Variants in SLC4A4 observed in about 807,000 individuals in gnomAD.
SLC4A4 encodes the protein electrogenic sodium bicarbonate cotransporter 1.
In SLC4A4, 27 loss-of-function variants were observed where a neutral mutation model predicts 111.5. That is an observed-to-expected ratio of 0.24 (90% confidence interval 0.18 to 0.33). The LOEUF (loss-of-function observed/expected upper bound fraction) is 0.33. Among genes scored for constraint, SLC4A4 ranks in the 10% least tolerant of loss-of-function variants. The probability of loss-of-function intolerance (pLI) is 1.00; values close to 1 mark genes in which losing one functional copy is unlikely to be tolerated. For synonymous variants in SLC4A4, 443 were observed against 463.4 expected (o/e 0.96, Z 0.57); for missense variants, 909 against 1,315.5 (o/e 0.69, Z 4.78).
intron 2 of SLC4A4, among the ~76,000 whole-genome samples, chr4:71,097,070 A>G (rs1560717270): frequency 6.6e-6 from 1 of 152,308 alleles, no homozygotes; most frequent in East Asian, 1.9e-4. Context: ...GGTTTGCTAT[A>G]TAGGCCAACT....
chr4:71,299,501 A>G (rs188895286), intron 3 of SLC4A4, among the ~76,000 whole-genome samples: 1 of 152,306 alleles, frequency 6.6e-6, no homozygotes, highest in Admixed American at 6.5e-5. Context: ...GGTACCTCCT[A>G]TAAGCCTCCG....
chr4:71,132,439 G>T (rs1240039902), intron 2 of SLC4A4, among the ~76,000 whole-genome samples: 1 of 152,192 alleles, frequency 6.6e-6, no homozygotes, highest in Non-Finnish European at 1.5e-5. Flanking sequence ...GCATCCTGCA[G>T]CTGAGGCTGC....
chr4:71,366,753 T>C (rs1486285819), intron 6 of SLC4A4, among the ~76,000 whole-genome samples: 1 of 152,218 alleles, frequency 6.6e-6, no homozygotes, highest in Non-Finnish European at 1.5e-5. Context: ...GCTCTAGCTT[T>C]GGGAACGACT....
chr4:71,081,654 C>T (rs1031096665), intron 1 of SLC4A4, among the ~76,000 whole-genome samples: 2 of 152,074 alleles, frequency 1.3e-5, no homozygotes. Context: ...CTGAATTGAG[C>T]TGCACTGGTC....
intron 24 of SLC4A4, among the ~76,000 whole-genome samples, chr4:71,564,238 T>C (rs938225195): frequency 1.3e-4 from 2 of 15,574 alleles, no homozygotes; most frequent in Non-Finnish European, 2.7e-4. Flanking sequence ...TGTCACTGTT[T>C]GTCTTCCTTA....
intron 3 of SLC4A4, among the ~76,000 whole-genome samples, chr4:71,297,509 AACACACACACACAC>A (rs61184918): frequency 1.2e-4 from 16 of 132,134 alleles, no homozygotes; most frequent in South Asian, 7.9e-4. Flanking sequence ...CACACAGACA[AACACACACACACAC>A]ACACACACAC....
At chr4:71,152,795 A>G (rs1744344259) in intron 2 of SLC4A4, among the ~76,000 whole-genome samples, 1 of 151,136 alleles carries the variant, frequency 6.6e-6, no homozygotes, top group South Asian at 2.1e-4. Context: ...TCTTTTTTCT[A>G]TGCTTATTTC....
chr4:71,420,132 A>G (rs965736224), intron 7 of SLC4A4, among the ~76,000 whole-genome samples: 5 of 152,236 alleles, frequency 3.3e-5, no homozygotes, highest in African/African-American at 1.2e-4. Flanking sequence ...AATACAGAGA[A>G]GTACTTAAAG....
At chr4:71,243,779 T>C (rs1355407466) in intron 2 of SLC4A4, among the ~76,000 whole-genome samples, 1 of 152,164 alleles carries the variant, frequency 6.6e-6, no homozygotes, top group Non-Finnish European at 1.5e-5. Context: ...TGCCTTTCCA[T>C]AGAGTTAGAA....
chr4:71,264,991 A>G lies in SLC4A4; in HGVS notation c.253+9592A>G, dbSNP rs910643047. On this transcript the variant is annotated intron_variant, in intron 3 of 25. Transcript: ENST00000264485. ...GAAAGTTTTGTGAGCTATTGTTTGC[A>G]TGCTCCAACCACACTTGGAAGGTTT... 7.2e-5 allele frequency among the ~76,000 whole-genome samples: 11 copies of G among 152,322 alleles called. No individual in the cohort carries two copies. In the East Asian group the frequency reaches 1.2e-3, roughly 16 times the overall value.
intron 1 of SLC4A4, among the ~76,000 whole-genome samples, chr4:71,191,236 C>T (rs758578528): frequency 6.6e-5 from 10 of 152,212 alleles, no homozygotes; most frequent in Non-Finnish European, 1.2e-4. Context: ...ACATAACCCA[C>T]CGTACATTTA....
intron 2 of SLC4A4, among the ~76,000 whole-genome samples, chr4:71,138,553 C>T (rs566294681): frequency 6.6e-6 from 1 of 152,348 alleles, no homozygotes; most frequent in African/African-American, 2.4e-5. Context: ...TCTGTACAGT[C>T]AGTGAACAAA....
chr4:71,329,084 C>T, intron 3 of SLC4A4, among the ~76,000 whole-genome samples: 1 of 152,004 alleles, frequency 6.6e-6, no homozygotes, highest in Non-Finnish European at 1.5e-5. Context: ...TGTTTTTCCC[C>T]AATGTATGTT....
At chr4:71,523,296 A>G (rs1040221817) in intron 16 of SLC4A4, among the ~76,000 whole-genome samples, 2 of 152,232 alleles carry the variant, frequency 1.3e-5, no homozygotes, top group Non-Finnish European at 2.9e-5. Flanking sequence ...GGTATTTTAT[A>G]TCAAGGAAAA....
chr4:71,164,139 G>T (rs1744677236), intron 2 of SLC4A4, among the ~76,000 whole-genome samples: 3 of 151,706 alleles, frequency 2.0e-5, no homozygotes, highest in Non-Finnish European at 4.4e-5. Flanking sequence ...CCAGCATTTT[G>T]GGAGGCCAAG....
intron 3 of SLC4A4, among the ~76,000 whole-genome samples, chr4:71,314,321 TG>T (rs1403212509): frequency 6.6e-6 from 1 of 152,156 alleles, no homozygotes; most frequent in Non-Finnish European, 1.5e-5. Flanking sequence ...ACACTGTTGG[TG>T]GAGTGTAAAT....
intron 2 of SLC4A4, among the ~76,000 whole-genome samples, chr4:71,131,518 G>A (rs1162976122): frequency 2.0e-5 from 3 of 152,166 alleles, no homozygotes; most frequent in South Asian, 4.1e-4. Flanking sequence ...GCCAATCAGG[G>A]TAAAAAGCTC....
intron 16 of SLC4A4, among the ~76,000 whole-genome samples, chr4:71,504,849 T>C (rs1256028209): frequency 6.6e-6 from 1 of 152,074 alleles, no homozygotes; most frequent in Non-Finnish European, 1.5e-5. Flanking sequence ...CAGCATCCAC[T>C]AGCTTTTCTT....
chr4:71,298,907 C>G (rs1304260484), intron 3 of SLC4A4, among the ~76,000 whole-genome samples: 1 of 152,132 alleles, frequency 6.6e-6, no homozygotes, highest in Non-Finnish European at 1.5e-5. Context: ...ATTGGAAACT[C>G]CTTTAACTCT....
Sources: allele counts gnomAD v4.1 joint callset (sites outside exome capture counted in the v4.1 genomes callset), GRCh38; gene constraint gnomAD v4.1.1; transcripts MANE v1.5; gene names NCBI Gene and HGNC (gene_info 2026-07-23, HGNC 2026-07-21).